The following COL4A3 variants were observed in gnomAD, a reference collection of about 807,000 sequenced individuals.
The protein encoded by COL4A3 is collagen type IV alpha 3 chain.
Under a neutral mutation model 217.4 loss-of-function variants are expected in COL4A3, and 135 were observed. That is an observed-to-expected ratio of 0.62 (90% CI 0.54 to 0.72). The LOEUF is 0.72. Among genes scored for constraint, COL4A3 ranks in the 30% least tolerant of loss-of-function variants. COL4A3 has a pLI of 0.00. For missense variants in COL4A3, 1,868 were observed against 2,119.9 expected (o/e 0.88, Z 2.33); for synonymous variants, 690 against 736.3 (o/e 0.94, Z 1.02).
intron 1 of COL4A3, among the ~76,000 whole-genome samples, chr2:227,223,237 A>G (rs2067908026): frequency 6.6e-6 from 1 of 152,138 alleles, no homozygotes; most frequent in South Asian, 2.1e-4. Flanking sequence ...TCGAGGGGAA[A>G]AGTATGGTTA....
chr2:227,173,003 G>A (rs541396989), intron 1 of COL4A3, among the ~76,000 whole-genome samples: 127 of 152,220 alleles, frequency 8.3e-4, no homozygotes, highest in Non-Finnish European at 1.6e-3. Flanking sequence ...TATGCTTACA[G>A]CTTCAACCTA....
chr2:227,243,608 CA>C (rs1352903160), intron 3 of COL4A3, among the ~76,000 whole-genome samples: 2 of 152,078 alleles, frequency 1.3e-5, no homozygotes, highest in East Asian at 3.8e-4. Flanking sequence ...CAAATAATAA[CA>C]ATAAAATTAA....
intron 18 of COL4A3, 99 bp downstream of exon 18, chr2:227,257,743 G>A: frequency 9.2e-7 from 1 of 1,090,720 alleles, no homozygotes; most frequent in South Asian, 1.3e-5. Flanking sequence ...CTGTGTGAGA[G>A]AGATTATAAC....
intron 1 of COL4A3, among the ~76,000 whole-genome samples, chr2:227,173,172 C>T (rs2125645272): frequency 6.6e-6 from 1 of 152,158 alleles, no homozygotes; most frequent in East Asian, 1.9e-4. Context: ...GTAAACTTAA[C>T]CTGTGACAAT....
At chr2:227,275,944 A>G in intron 26 of COL4A3, among the ~76,000 whole-genome samples, 1 of 6,984 alleles carries the variant, frequency 1.4e-4, no homozygotes, top group South Asian at 0.01. Context: ...CCCTTTTAGA[A>G]AAAAAAAAAA....
chr2:227,241,878 T>G (rs1202299434), intron 3 of COL4A3, among the ~76,000 whole-genome samples: 2 of 152,068 alleles, frequency 1.3e-5, no homozygotes, highest in African/African-American at 2.4e-5. Context: ...TTCCCATCAT[T>G]ACCTCCACTA....
rs1171039315 is a variant in COL4A3 at position 227,290,632 on chromosome 2, G to C, written c.3071-115G>C. 36 of 885,270 alleles carry C rather than the reference G, an allele frequency of 4.1e-5. 1 individual carries two copies. Among genetic ancestry groups the C allele is most frequent in the South Asian group, 2.3e-4 (15 of 66,374 alleles). The allele number at this position is 885,270 out of a possible 1,614,324, so 54.8% of individuals were successfully genotyped here. On this transcript the variant is annotated intron_variant, in intron 36 of 51. Coordinates refer to ENST00000396578, the MANE Select transcript of COL4A3 (RefSeq NM_000091.5). The stretch of plus-strand genomic sequence containing the variant: ...TCATCTATTGTAACTACCTGATGCA[G>C]TTGCAATTCTGAAAAAGCCATTCTT...
intron 1 of COL4A3, among the ~76,000 whole-genome samples, chr2:227,223,189 G>A (rs192066724): frequency 2.0e-5 from 3 of 152,228 alleles, no homozygotes; most frequent in East Asian, 1.9e-4. Flanking sequence ...TTTAAGTACC[G>A]ATTCTAGGCC....
chr2:227,206,280 G>T (rs2067098188), intron 1 of COL4A3, among the ~76,000 whole-genome samples: 1 of 152,050 alleles, frequency 6.6e-6, no homozygotes, highest in East Asian at 1.9e-4. Flanking sequence ...CACCATGTTG[G>T]CCAGGCTGGT....
chr2:227,216,054 C>T (rs1221198839), intron 1 of COL4A3, among the ~76,000 whole-genome samples: 1 of 151,992 alleles, frequency 6.6e-6, no homozygotes. Context: ...AATACAGAGT[C>T]GTGTTTGGCA....
At chr2:227,213,184 CG>C (rs1301593081) in intron 1 of COL4A3, among the ~76,000 whole-genome samples, 1 of 152,120 alleles carries the variant, frequency 6.6e-6, no homozygotes, top group Non-Finnish European at 1.5e-5. Flanking sequence ...ATAGCTGAAG[CG>C]TAGGCTGAAA....
Position 227,191,164 on chromosome 2 carries a change from C to G in COL4A3, c.87+26351C>G, listed in dbSNP as rs528294804. On this transcript the variant is annotated intron_variant, in intron 1 of 51. Transcript: ENST00000396578. This position sits in a 1 kb window ranked among gnomAD's most constrained non-coding sequence, Gnocchi z 6.8. ...TTTAAATTTTCTCAACCACTTTGCTCTTTTTGGATACTTGGGGAATAACAA... is the reference window on the plus strand; with the variant it reads ...TTTAAATTTTCTCAACCACTTTGCTGTTTTTGGATACTTGGGGAATAACAA... Among the ~76,000 whole-genome samples the G allele has an allele frequency of 2.6e-5, 4 of 152,128 alleles. No individual in the cohort carries two copies. The highest frequency in any genetic ancestry group is 2.1e-4 in the South Asian group (1 of 4,822).
chr2:227,225,406 G>GA (rs554621626), intron 1 of COL4A3, among the ~76,000 whole-genome samples: 4 of 152,224 alleles, frequency 2.6e-5, no homozygotes, highest in Admixed American at 2.6e-4. Context: ...AATGTTTTCT[G>GA]AAAAATGTGT....
chr2:227,238,070 G>C (rs779599480), intron 2 of COL4A3, 46 bp downstream of exon 2: 10 of 1,291,236 alleles, frequency 7.7e-6, no homozygotes, highest in Admixed American at 1.7e-5. Flanking sequence ...TAAAGCTCTA[G>C]AAGGTAAAAC....
At chr2:227,245,876 A>C in intron 5 of COL4A3, 78 bp from the exon 6 acceptor site, 1 of 983,132 alleles carries the variant, frequency 1.0e-6, no homozygotes, top group Non-Finnish European at 1.7e-6. Flanking sequence ...GAGCTATTTA[A>C]ATCAGTGCAT....
At position 227,313,156 on chromosome 2, in the gene COL4A3, A is replaced by T. The variant is rs2073802426; in HGVS notation, c.*1286A>T. 6.6e-6 allele frequency: 1 copy of T among 152,630 alleles called. No homozygotes were observed. The highest frequency in any genetic ancestry group is 6.5e-5 in the Admixed American group (1 of 15,284). The allele number at this position is 152,630 out of a possible 1,614,324, so 9.5% of individuals were successfully genotyped here. On this transcript the variant is annotated 3_prime_UTR_variant, in exon 52 of 52. Coordinates refer to ENST00000396578, the MANE Select transcript of COL4A3 (RefSeq NM_000091.5). ...CCAGGCACTGTACTAACCTACAGAG[A>T]TGCTAAGAGAAAAAAAAGACTTGTT...
chr2:227,309,161 C>A, intron 49 of COL4A3, 43 bp from the exon 50 acceptor site: 1 of 1,609,776 alleles, frequency 6.2e-7, no homozygotes, highest in South Asian at 1.1e-5. Flanking sequence ...CATGACAGTG[C>A]AGAAAGTGGC....
intron 9 of COL4A3, 61 bp downstream of exon 9, chr2:227,248,581 C>G: frequency 1.8e-6 from 2 of 1,117,804 alleles, no homozygotes; most frequent in Admixed American, 3.4e-5. Flanking sequence ...TCTCTCTTTT[C>G]GCCTCTCTTT....
chr2:227,166,108 GCA>G (rs2065263295), intron 1 of COL4A3, among the ~76,000 whole-genome samples: 1 of 152,064 alleles, frequency 6.6e-6, no homozygotes, highest in Non-Finnish European at 1.5e-5. Flanking sequence ...TTGCTTTGTT[GCA>G]CAGTATTTCA....
Sources: gnomAD v4.1 joint callset for allele counts (sites outside exome capture counted in the v4.1 genomes callset) on GRCh38, gnomAD v4.1.1 for gene constraint, Gnocchi (gnomAD v3.1) non-coding constraint, MANE v1.5 for transcripts, NCBI Gene and HGNC (gene_info 2026-07-23, HGNC 2026-07-21) for gene names.